SMC3: variants seen among roughly 807,000 people sequenced by gnomAD.
SMC3 encodes structural maintenance of chromosomes 3.
In SMC3, 20 loss-of-function variants were observed where a neutral mutation model predicts 171.8. The observed-to-expected ratio is 0.12, with a 90% CI of 0.08 to 0.17. SMC3 has a LOEUF of 0.17. Among genes scored for constraint, SMC3 ranks in the 10% least tolerant of loss-of-function variants. SMC3 has a pLI of 1.00. For synonymous variants in SMC3, 464 were observed against 451.1 expected, an observed-to-expected ratio of 1.03 and a Z score of -0.36; for missense variants, 543 against 1,420.4, an observed-to-expected ratio of 0.38 and a Z score of 9.93.
chr10:110,579,983 T>G (rs182673920), intron 7 of SMC3, among the ~76,000 whole-genome samples: 2 of 152,320 alleles, frequency 1.3e-5, no homozygotes, highest in Admixed American at 1.3e-4. Context: ...TAGCCTTCTG[T>G]ATCTGTAGGT....
chr10:110,580,415 G>A (rs1322546678), intron 7 of SMC3, among the ~76,000 whole-genome samples: 4 of 152,196 alleles, frequency 2.6e-5, no homozygotes, highest in Non-Finnish European at 4.4e-5. Context: ...AGATGGTGGT[G>A]TGAGATACTC....
intron 7 of SMC3, 147 bp from the exon 8 acceptor site, chr10:110,580,757 A>G: frequency 3.0e-6 from 2 of 659,804 alleles, no homozygotes; most frequent in Non-Finnish European, 5.5e-6. Flanking sequence ...ACTTGAAAAA[A>G]TCTAAAATCT....
chr10:110,591,396 A>G (rs188671774), intron 17 of SMC3, among the ~76,000 whole-genome samples: 168 of 150,822 alleles, frequency 1.1e-3, no homozygotes, highest in Non-Finnish European at 2.2e-3. Flanking sequence ...AAAGAAGAGA[A>G]AAAAGCTAAG....
chr10:110,601,044 C>G lies in SMC3; in HGVS notation c.2558C>G (p.Thr853Arg). Reference sequence around the variant, plus strand: ...CAGGAACTTAATGAGCTGAGAGAGACAGAAGGGGGTACTGTTCTCACAGCC... The same window carrying G: ...CAGGAACTTAATGAGCTGAGAGAGAGAGAAGGGGGTACTGTTCTCACAGCC... ...VEQELNELRE[T>R]EGGTVLTATT... Residue 853 changes from threonine (T) to arginine (R), a missense_variant, in exon 23 of 29, where the codon ACA becomes AGA. By Grantham distance (71) the Thr-to-Arg change is moderately conservative (BLOSUM62 -1). Transcript: ENST00000361804. 1 of 1,613,148 alleles carries G rather than the reference C, an allele frequency of 6.2e-7. No homozygotes were observed. The highest frequency in any genetic ancestry group is 8.5e-7 in the Non-Finnish European group (1 of 1,179,354).
intron 2 of SMC3, among the ~76,000 whole-genome samples, chr10:110,569,357 C>T: frequency 6.6e-6 from 1 of 151,924 alleles, no homozygotes; most frequent in Non-Finnish European, 1.5e-5. Flanking sequence ...TTTTTATTCA[C>T]AAAGTAGATG....
chr10:110,598,627 A>G (rs1861337445), intron 20 of SMC3, among the ~76,000 whole-genome samples: 1 of 152,070 alleles, frequency 6.6e-6, no homozygotes, highest in Non-Finnish European at 1.5e-5. Context: ...GCTTGTCTCA[A>G]ACTCCTGACC....
intron 13 of SMC3, among the ~76,000 whole-genome samples, chr10:110,585,763 A>G (rs970110578): frequency 6.6e-6 from 1 of 151,528 alleles, no homozygotes; most frequent in Non-Finnish European, 1.5e-5. Context: ...ATATTTATGT[A>G]CTTATTAATT....
chr10:110,597,950 T>G (rs1311224408), intron 19 of SMC3, among the ~76,000 whole-genome samples, 189 bp from the exon 20 acceptor site: 3 of 152,224 alleles, frequency 2.0e-5, no homozygotes, highest in Non-Finnish European at 4.4e-5. Flanking sequence ...GTGAAATGTT[T>G]CAAGCTTCTT....
rs770007396 is a variant in SMC3 at position 110,604,334 on chromosome 10, G to A, written c.*32G>A. 1.3e-5 allele frequency: 19 copies of A among 1,442,576 alleles called. No homozygotes were observed. The highest frequency in any genetic ancestry group is 2.3e-5 in the East Asian group (1 of 43,868). 89.4% of individuals were successfully genotyped at this position (1,442,576 alleles called of 1,614,324 possible). A position where few individuals can be genotyped will look rare whatever the true frequency, so the allele number is the denominator to read the frequency against. ...AATACTACCTACTGGTTTGGGAGAT[G>A]TATATAGTAATATGATTCTCATACC... On this transcript the variant is annotated 3_prime_UTR_variant, in exon 29 of 29. Transcript: ENST00000361804.
chr10:110,593,166 A>G lies in SMC3; in HGVS notation c.1906A>G (p.Met636Val), dbSNP rs1309020991. The G allele has an allele frequency of 1.2e-6, 2 of 1,614,186 alleles. No individual in the cohort carries two copies. Among genetic ancestry groups the G allele is most frequent in the Admixed American group, 1.7e-5 (1 of 60,030 alleles). The change falls in exon 18 of 29, where the codon ATG (methionine) becomes GTG (valine). Residue 636 changes from methionine (M) to valine (V), a missense_variant. By Grantham distance (21) the Met-to-Val change is conservative (BLOSUM62 1). Coordinates refer to ENST00000361804, the MANE Select transcript of SMC3 (RefSeq NM_005445.4). ...TGGAAAGACTCTTATTTGTCGTAGC[A>G]TGGAAGTTTCAACCCAGCTGGCCCG... The part of the protein sequence containing the change: ...VFGKTLICRS[M>V]EVSTQLARAF...
At chr10:110,584,471 T>G in intron 13 of SMC3, 75 bp downstream of exon 13, 1 of 1,061,228 alleles carries the variant, frequency 9.4e-7, no homozygotes, top group Non-Finnish European at 1.4e-6. Context: ...TACTTCAAGT[T>G]TTCTTTTTAA....
intron 16 of SMC3, 78 bp downstream of exon 16, chr10:110,590,650 A>G: frequency 8.2e-7 from 1 of 1,225,026 alleles, no homozygotes. Context: ...TAGTTTTTGT[A>G]CAACATATCT....
rs754612506 is a variant in SMC3, at chr10:110,604,353, T to C, written c.*51T>C. On this transcript the variant is annotated 3_prime_UTR_variant, in exon 29 of 29. Coordinates refer to ENST00000361804, the MANE Select transcript of SMC3 (RefSeq NM_005445.4). ...GGAGATGTATATAGTAATATGATTCTCATACCCAGGAACTGTAAATTTAAA... is the reference window on the plus strand; with the variant it reads ...GGAGATGTATATAGTAATATGATTCCCATACCCAGGAACTGTAAATTTAAA... 6.9e-6 allele frequency: 9 copies of C among 1,296,380 alleles called. No homozygotes were observed. In the East Asian group the frequency reaches 2.1e-4, roughly 30 times the overall value. 80.3% of individuals were successfully genotyped at this position (1,296,380 alleles called of 1,614,324 possible).
intron 17 of SMC3, among the ~76,000 whole-genome samples, chr10:110,591,363 G>A (rs1292069929): frequency 6.6e-6 from 1 of 152,160 alleles, no homozygotes; most frequent in African/African-American, 2.4e-5. Flanking sequence ...TACTTGGGAG[G>A]CTGAAGTGGG....
At chr10:110,593,997 G>A (rs9663182) in intron 18 of SMC3, among the ~76,000 whole-genome samples, 4 of 151,918 alleles carry the variant, frequency 2.6e-5, no homozygotes, top group Admixed American at 2.6e-4. Context: ...CAAAAAAAAA[G>A]AAAAATTTAT....
rs374081444 is a variant in SMC3 at position 110,577,403 on chromosome 10, C to T, written c.199-18C>T. ...TATACAACTTAAATGGCAAATTTCT[C>T]ACTTCTTTCATTTTTAGGAAGGTAC... On this transcript the variant is annotated intron_variant, in intron 4 of 28. Coordinates refer to ENST00000361804, the MANE Select transcript of SMC3 (RefSeq NM_005445.4). 3.6e-5 allele frequency: 57 copies of T among 1,591,104 alleles called. No individual in the cohort carries two copies. The highest frequency in any genetic ancestry group is 4.5e-5 in the Non-Finnish European group (52 of 1,159,508).
intron 2 of SMC3, among the ~76,000 whole-genome samples, chr10:110,569,566 G>A (rs1319784880): frequency 1.3e-5 from 2 of 152,078 alleles, no homozygotes; most frequent in Admixed American, 6.5e-5. Context: ...AAACCAACAT[G>A]GCACATGTAT....
rs1861037687 is a variant in SMC3 at position 110,581,944 on chromosome 10, A to G, written c.569A>G (p.Asn190Ser). The change falls in exon 9 of 29, where the codon AAT (asparagine) becomes AGT (serine). Residue 190 changes from asparagine (N) to serine (S), a missense_variant. Coordinates refer to ENST00000361804, the MANE Select transcript of SMC3 (RefSeq NM_005445.4). ...KETEGKREKI[N>S]ELLKYIEERL... is the part of the protein sequence containing the mutation. The stretch of plus-strand genomic sequence containing the variant: ...TAAGAGGGCAAACGGGAAAAAATCA[A>G]TGAGTTGTTAAAATACATTGAAGAG... The G allele has an allele frequency of 2.5e-6, 4 of 1,613,690 alleles. No homozygotes were observed. The highest frequency in any genetic ancestry group is 1.3e-5 in the African/African-American group (1 of 74,936).
rs548953037 is a variant in SMC3, at chr10:110,596,202, A to G, written c.1964-196A>G. On this transcript the variant is annotated intron_variant, in intron 18 of 28. Coordinates refer to ENST00000361804, the MANE Select transcript of SMC3 (RefSeq NM_005445.4). ...GCACCACTGCACTCCAGCCTGAGCA[A>G]CAAGAGCAAGACCCTGTCTCAAAAA... Among the ~76,000 whole-genome samples the G allele has an allele frequency of 4.2e-5, 6 of 143,148 alleles. No individual in the cohort carries two copies. The Admixed American group carries it at 4.3e-4, about 10-fold the overall frequency. 93.9% of individuals were successfully genotyped at this position (143,148 alleles called of 152,430 possible).
Sources: gnomAD v4.1 joint callset for allele counts (sites outside exome capture counted in the v4.1 genomes callset) on GRCh38, gnomAD v4.1.1 for gene constraint, MANE v1.5 for transcripts, NCBI Gene and HGNC (gene_info 2026-07-23, HGNC 2026-07-21) for gene names.